Variants in DENND1A observed in about 807,000 individuals in gnomAD.
The protein encoded by DENND1A is DENN domain-containing protein 1A.
In DENND1A, 51 loss-of-function variants were observed where a neutral mutation model predicts 113.7. The observed-to-expected ratio is 0.45, with a 90% CI of 0.36 to 0.57. The LOEUF (loss-of-function observed/expected upper bound fraction) is 0.57, where lower values mean the gene tolerates loss of function less well. Among genes scored for constraint, DENND1A ranks in the 20% least tolerant of loss-of-function variants. The pLI, the probability that DENND1A is intolerant of heterozygous loss-of-function variation, is 0.00. For synonymous variants in DENND1A, 565 were observed against 570.8 expected (o/e 0.99, Z 0.14); for missense variants, 1,258 against 1,395.9 (o/e 0.90, Z 1.57).
chr9:123,677,724 T>G (rs1322794865), intron 5 of DENND1A, among the ~76,000 whole-genome samples: 2 of 152,208 alleles, frequency 1.3e-5, no homozygotes, highest in Non-Finnish European at 2.9e-5. Context: ...GTGAGCCACC[T>G]GGCCACGGCT....
At chr9:123,750,524 T>A (rs1418355564) in intron 5 of DENND1A, among the ~76,000 whole-genome samples, 2 of 152,226 alleles carry the variant, frequency 1.3e-5, no homozygotes, top group Non-Finnish European at 2.9e-5. Context: ...TTCTGACAGA[T>A]GCCATGTTCT....
intron 1 of DENND1A, among the ~76,000 whole-genome samples, chr9:123,903,591 G>C (rs572363887): frequency 6.6e-6 from 1 of 152,120 alleles, no homozygotes; most frequent in African/African-American, 2.4e-5. Flanking sequence ...TTCCCTTTCC[G>C]AGTCAAAGAA....
In DENND1A at chr9:123,382,035, G is replaced by T. The variant is rs749809015; in HGVS notation, c.2610C>A (p.Thr870=). ...GGAAGCTGAATTGGGGGGTGAATGG[G>T]GTGGCTACATTCGGGGTGGCGGGGC... ...PSRPATPNVA[T]PFTPQFSFPP... Residue 870 remains threonine, a synonymous_variant, in exon 24 of 24, where the codon ACC becomes ACA. Transcript: ENST00000394215. 1 of 1,491,676 alleles carries T rather than the reference G, an allele frequency of 6.7e-7. No homozygotes were observed. The highest frequency in any genetic ancestry group is 8.9e-7 in the Non-Finnish European group (1 of 1,122,866). The allele number at this position is 1,491,676 out of a possible 1,614,324, so 92.4% of individuals were successfully genotyped here.
chr9:123,635,323 A>G (rs1268754397), intron 9 of DENND1A, among the ~76,000 whole-genome samples: 2 of 152,192 alleles, frequency 1.3e-5, no homozygotes, highest in African/African-American at 2.4e-5. Context: ...TACACTCATC[A>G]CCACATTTCA....
intron 10 of DENND1A, among the ~76,000 whole-genome samples, chr9:123,618,883 C>T (rs1190454565): frequency 6.6e-6 from 1 of 152,180 alleles, no homozygotes; most frequent in Non-Finnish European, 1.5e-5. Context: ...ACAGACTAAC[C>T]CATTTTTATA....
intron 1 of DENND1A, among the ~76,000 whole-genome samples, chr9:123,918,489 G>GAA (rs138650406): frequency 2.9e-5 from 4 of 138,270 alleles, no homozygotes; most frequent in Non-Finnish European, 3.1e-5. Context: ...CTCCGTCTCA[G>GAA]AAAAAAAAAA....
intron 2 of DENND1A, among the ~76,000 whole-genome samples, chr9:123,830,838 C>CCTGGG (rs1446216582): frequency 7.8e-6 from 1 of 128,814 alleles, no homozygotes; most frequent in Non-Finnish European, 1.6e-5. Context: ...TGCACTCCAG[C>CCTGGG]CTGGGTGACA....
At chr9:123,907,579 G>A (rs1460532111) in intron 1 of DENND1A, among the ~76,000 whole-genome samples, 1 of 141,932 alleles carries the variant, frequency 7.0e-6, no homozygotes, top group Non-Finnish European at 1.5e-5. Context: ...CAAATCATGA[G>A]TGAACTCCCA....
intron 19 of DENND1A, among the ~76,000 whole-genome samples, chr9:123,431,141 T>A (rs575802897): frequency 6.6e-6 from 1 of 152,246 alleles, no homozygotes; most frequent in African/African-American, 2.4e-5. Flanking sequence ...TAACTAAATG[T>A]AGACACTGCT....
chr9:123,589,669 AAAAAC>A, intron 11 of DENND1A, among the ~76,000 whole-genome samples: 1 of 151,632 alleles, frequency 6.6e-6, no homozygotes, highest in African/African-American at 2.4e-5. Flanking sequence ...AAAAAAAAAA[AAAAAC>A]TGACATGCAC....
At chr9:123,384,598 G>A (rs1299439945) in intron 22 of DENND1A, among the ~76,000 whole-genome samples, 6 of 152,202 alleles carry the variant, frequency 3.9e-5, no homozygotes, top group African/African-American at 9.7e-5. Context: ...CAGTGAGCAC[G>A]GCTGTCACAC....
intron 21 of DENND1A, among the ~76,000 whole-genome samples, chr9:123,391,032 C>G (rs907475419): frequency 1.3e-5 from 2 of 152,262 alleles, no homozygotes; most frequent in Non-Finnish European, 2.9e-5. Flanking sequence ...CTAAATCCAA[C>G]TGCCGCAGTT....
intron 2 of DENND1A, among the ~76,000 whole-genome samples, chr9:123,866,290 T>C (rs141231922): frequency 6.6e-6 from 1 of 152,342 alleles, no homozygotes; most frequent in East Asian, 1.9e-4. Flanking sequence ...ACAGTTTAAA[T>C]AAAAACTCTG....
chr9:123,682,651 TGG>T (rs151000574), intron 5 of DENND1A, among the ~76,000 whole-genome samples: 5,706 of 152,248 alleles, frequency 0.037, 380 homozygotes, highest in African/African-American at 0.13. Flanking sequence ...GGCTTGAGTC[TGG>T]TAACCCCGAG....
chr9:123,404,264 G>A (rs1229575483), intron 20 of DENND1A, among the ~76,000 whole-genome samples: 1 of 152,194 alleles, frequency 6.6e-6, no homozygotes, highest in African/African-American at 2.4e-5. Context: ...CCCTGCCAGA[G>A]TTCGTGATGG....
intron 5 of DENND1A, among the ~76,000 whole-genome samples, chr9:123,754,435 A>C (rs752720543): frequency 6.6e-6 from 1 of 152,212 alleles, no homozygotes; most frequent in Non-Finnish European, 1.5e-5. Context: ...CTCTACCCTC[A>C]TATTAAATAC....
At chr9:123,828,680 C>G (rs656906) in intron 2 of DENND1A, among the ~76,000 whole-genome samples, 12,993 of 150,326 alleles carry the variant, frequency 0.086, 958 homozygotes, top group African/African-American at 0.2. Flanking sequence ...AAAGGAACAC[C>G]CATAAGACTT....
intron 12 of DENND1A, among the ~76,000 whole-genome samples, chr9:123,572,068 A>G (rs78657246): frequency 0.056 from 8,459 of 152,294 alleles, 327 homozygotes; most frequent in South Asian, 0.093. Context: ...GAATTTTGAA[A>G]GATACATGCA....
At chr9:123,816,422 T>C (rs554024941) in intron 2 of DENND1A, among the ~76,000 whole-genome samples, 1 of 152,258 alleles carries the variant, frequency 6.6e-6, no homozygotes, top group African/African-American at 2.4e-5. Flanking sequence ...TGCACCAAGC[T>C]CTCCCCACAA....
Sources: gnomAD v4.1 joint callset for allele counts (sites outside exome capture counted in the v4.1 genomes callset) on GRCh38, gnomAD v4.1.1 for gene constraint, MANE v1.5 for transcripts, NCBI Gene and HGNC (gene_info 2026-07-23, HGNC 2026-07-21) for gene names.